The following CDH12 variants were observed in gnomAD, a reference collection of about 807,000 sequenced individuals.
The protein encoded by CDH12 is cadherin-12.
In CDH12, 41 loss-of-function variants were observed where a neutral mutation model predicts 74.1. The ratio of observed to expected loss-of-function variants is 0.55; its 90% CI spans 0.43 to 0.72. CDH12 has a LOEUF of 0.72. CDH12 is among the 30% of genes least tolerant of loss of function. The pLI is 0.00. For missense variants in CDH12, 945 were observed against 977.2 expected (o/e 0.97, Z 0.44); for synonymous variants, 399 against 355.0 (o/e 1.12, Z -1.39).
At chr5:21,776,415 T>C (rs1251988661) in intron 11 of CDH12, among the ~76,000 whole-genome samples, 11 of 152,138 alleles carry the variant, frequency 7.2e-5, no homozygotes. Context: ...ACCTCATACA[T>C]AAAGAGTAGG....
chr5:22,562,366 T>C (rs1374088582), intron 1 of CDH12, among the ~76,000 whole-genome samples: 3 of 152,012 alleles, frequency 2.0e-5, no homozygotes, highest in Admixed American at 6.6e-5. Context: ...ACATAGAGAT[T>C]ATAATGGAAA....
chr5:22,296,073 G>GTTTATTTCTCCT (rs1390795501), intron 3 of CDH12, among the ~76,000 whole-genome samples: 1 of 151,802 alleles, frequency 6.6e-6, no homozygotes, highest in African/African-American at 2.4e-5. Context: ...CTAACTTTAT[G>GTTTATTTCTCCT]ATACCTATAG....
At chr5:22,312,702 A>T (rs575050712) in intron 3 of CDH12, among the ~76,000 whole-genome samples, 12 of 152,270 alleles carry the variant, frequency 7.9e-5, no homozygotes, top group African/African-American at 2.9e-4. Flanking sequence ...CCAAACACTA[A>T]TCCATCTTTT....
chr5:21,819,841 G>C (rs1460638254), intron 8 of CDH12, among the ~76,000 whole-genome samples: 1 of 151,908 alleles, frequency 6.6e-6, no homozygotes, highest in Non-Finnish European at 1.5e-5. Flanking sequence ...AGAAATTTAG[G>C]AACACATGTG....
At chr5:22,368,436 C>G (rs1741128333) in intron 3 of CDH12, among the ~76,000 whole-genome samples, 1 of 150,568 alleles carries the variant, frequency 6.6e-6, no homozygotes, top group Non-Finnish European at 1.5e-5. Context: ...GTTGCTGGGA[C>G]TACAAGGAGT....
chr5:22,454,030 A>T (rs1431056464), intron 2 of CDH12, among the ~76,000 whole-genome samples: 1 of 152,158 alleles, frequency 6.6e-6, no homozygotes, highest in African/African-American at 2.4e-5. Context: ...GAGCAATACC[A>T]CTTTTTAGAA....
chr5:21,943,655 T>C (rs1404924679), intron 6 of CDH12, among the ~76,000 whole-genome samples: 4 of 152,180 alleles, frequency 2.6e-5, no homozygotes, highest in Non-Finnish European at 4.4e-5. Flanking sequence ...ATGGCCTGAA[T>C]TAAAGAGATA....
intron 1 of CDH12, among the ~76,000 whole-genome samples, chr5:22,781,538 C>A (rs968935321): frequency 6.6e-6 from 1 of 152,152 alleles, no homozygotes; most frequent in African/African-American, 2.4e-5. Context: ...CTTGCACTGA[C>A]CTATCTTCCT....
intron 1 of CDH12, among the ~76,000 whole-genome samples, chr5:22,682,874 G>T (rs769330747): frequency 1.3e-5 from 2 of 151,924 alleles, no homozygotes; most frequent in Non-Finnish European, 2.9e-5. Flanking sequence ...TAACAATTTT[G>T]CTATCTTCCA....
intron 3 of CDH12, among the ~76,000 whole-genome samples, chr5:22,288,921 G>T (rs1737270636): frequency 6.6e-6 from 1 of 152,152 alleles, no homozygotes. Flanking sequence ...AATGAAAACT[G>T]TATTCTTAGT....
At chr5:22,774,537 T>G (rs1746986729) in intron 1 of CDH12, among the ~76,000 whole-genome samples, 1 of 152,092 alleles carries the variant, frequency 6.6e-6, no homozygotes, top group Admixed American at 6.6e-5. Flanking sequence ...GGCAAGTCTT[T>G]CCCATGCTGT....
intron 1 of CDH12, among the ~76,000 whole-genome samples, chr5:22,572,988 A>T (rs897035977): frequency 6.6e-6 from 1 of 152,178 alleles, no homozygotes; most frequent in African/African-American, 2.4e-5. Context: ...TTTGTATTTT[A>T]AAAAATTGAG....
At chr5:22,820,799 A>G (rs1423075797) in intron 1 of CDH12, among the ~76,000 whole-genome samples, 1 of 152,210 alleles carries the variant, frequency 6.6e-6, no homozygotes, top group Admixed American at 6.5e-5. Context: ...GAATTCTACC[A>G]GAGGTACAAG....
chr5:22,253,691 T>A (rs1042174422), intron 3 of CDH12, among the ~76,000 whole-genome samples: 2 of 151,800 alleles, frequency 1.3e-5, no homozygotes, highest in Non-Finnish European at 3.0e-5. Context: ...ACTCTCTTCC[T>A]CTTCCCCTTT....
chr5:22,758,392 G>A (rs1237387074), intron 1 of CDH12, among the ~76,000 whole-genome samples: 1 of 152,150 alleles, frequency 6.6e-6, no homozygotes, highest in Admixed American at 6.5e-5. Flanking sequence ...AGTAGCAGCA[G>A]CAGTGGGCAT....
At chr5:21,992,243 C>G (rs1757784832) in intron 5 of CDH12, among the ~76,000 whole-genome samples, 1 of 151,866 alleles carries the variant, frequency 6.6e-6, no homozygotes. Context: ...GGCAAAAATG[C>G]AAAAACGAAA....
At chr5:21,973,582 T>A (rs1296498070) in intron 6 of CDH12, among the ~76,000 whole-genome samples, 3 of 152,180 alleles carry the variant, frequency 2.0e-5, no homozygotes, top group African/African-American at 7.2e-5. Context: ...TCCAATACTG[T>A]AGAGGCATGT....
chr5:22,224,974 C>G (rs1348132131), intron 3 of CDH12, among the ~76,000 whole-genome samples: 1 of 151,620 alleles, frequency 6.6e-6, no homozygotes, highest in East Asian at 1.9e-4. Flanking sequence ...AAATGCAAAC[C>G]CTTTCAAAAA....
At chr5:22,624,684 A>G (rs899778859) in intron 1 of CDH12, among the ~76,000 whole-genome samples, 20 of 152,348 alleles carry the variant, frequency 1.3e-4, no homozygotes, top group African/African-American at 4.8e-4. Flanking sequence ...GGATGTGGAG[A>G]AACAGGAACA....
Sources: gnomAD v4.1 joint callset for allele counts (sites outside exome capture counted in the v4.1 genomes callset) on GRCh38, gnomAD v4.1.1 for gene constraint, MANE v1.5 for transcripts, NCBI Gene and HGNC (gene_info 2026-07-23, HGNC 2026-07-21) for gene names.